PCLO: variants seen among roughly 807,000 people sequenced by gnomAD.
The protein encoded by PCLO is piccolo presynaptic cytomatrix protein, also known as protein piccolo.
PCLO carries 82 observed loss-of-function variants against 427.5 expected under a neutral mutation model. The ratio of observed to expected loss-of-function variants is 0.19; its 90% CI spans 0.16 to 0.23. The LOEUF (loss-of-function observed/expected upper bound fraction) is 0.23. Among genes scored for constraint, PCLO ranks in the 10% least tolerant of loss-of-function variants. The pLI, the probability that PCLO is intolerant of heterozygous loss-of-function variation, is 1.00. For synonymous variants in PCLO, 2,357 were observed against 2,155.4 expected (o/e 1.09, Z -2.59); for missense variants, 6,239 against 6,115.9 (o/e 1.02, Z -0.67).
intron 19 of PCLO, among the ~76,000 whole-genome samples, 154 bp downstream of exon 19, chr7:82,824,082 T>C (rs2115657613): frequency 6.6e-6 from 1 of 152,324 alleles, no homozygotes; most frequent in East Asian, 1.9e-4. Context: ...AGCCCATTTC[T>C]CCTGATTCCA....
intron 6 of PCLO, among the ~76,000 whole-genome samples, chr7:82,935,154 C>T (rs1465776567): frequency 8.2e-6 from 1 of 121,740 alleles, no homozygotes; most frequent in Non-Finnish European, 1.6e-5. Context: ...GTAGGTAAGA[C>T]CATACATAGA....
chr7:83,094,729 C>G (rs756971253), intron 3 of PCLO, among the ~76,000 whole-genome samples: 4 of 152,104 alleles, frequency 2.6e-5, no homozygotes, highest in Admixed American at 6.6e-5. Context: ...GAACAGACAT[C>G]TTCATTTTTC....
intron 3 of PCLO, among the ~76,000 whole-genome samples, chr7:83,075,495 G>C (rs1443469691): frequency 6.6e-6 from 1 of 152,130 alleles, no homozygotes; most frequent in Non-Finnish European, 1.5e-5. Context: ...CTGCAGTAAA[G>C]ATAGTAAACA....
intron 3 of PCLO, among the ~76,000 whole-genome samples, chr7:83,089,551 G>A (rs1288673975): frequency 1.3e-5 from 2 of 152,108 alleles, no homozygotes; most frequent in African/African-American, 4.8e-5. Context: ...ACTGCTGTAG[G>A]TAATGCTCCC....
intron 6 of PCLO, among the ~76,000 whole-genome samples, chr7:82,936,389 C>CA (rs1286585103): frequency 7.3e-5 from 11 of 151,656 alleles, no homozygotes; most frequent in Non-Finnish European, 1.2e-4. Context: ...ACATAAGAAA[C>CA]ATGAATGGCT....
chr7:82,854,989 G>T (rs1430954032), intron 10 of PCLO, among the ~76,000 whole-genome samples: 1 of 152,086 alleles, frequency 6.6e-6, no homozygotes, highest in African/African-American at 2.4e-5. Context: ...TGAATGGTCT[G>T]AGCTGACTGG....
chr7:82,877,259 G>C (rs959151934), intron 10 of PCLO, among the ~76,000 whole-genome samples: 7 of 152,016 alleles, frequency 4.6e-5, no homozygotes, highest in African/African-American at 1.7e-4. Flanking sequence ...CTGATTTGTA[G>C]TATTTGTTGA....
intron 3 of PCLO, among the ~76,000 whole-genome samples, chr7:83,088,339 G>A (rs996394034): frequency 6.6e-6 from 1 of 152,166 alleles, no homozygotes. Flanking sequence ...GGAACAAAGT[G>A]GACGCACTGT....
chr7:82,895,850 G>T (rs1430689647), intron 9 of PCLO, among the ~76,000 whole-genome samples: 1 of 151,834 alleles, frequency 6.6e-6, no homozygotes, highest in African/African-American at 2.4e-5. Flanking sequence ...GCTTAGGCCA[G>T]GTGATTTCAT....
Position 83,161,248 on chromosome 7 carries a change from T to A in PCLO, c.248+1097A>T, listed in dbSNP as rs1381282585. ...GACTAAGTTAATTTTTTTTTTATTT[T>A]ATAAAGTGGAGGATAAGGATCTACA... On this transcript the variant is annotated intron_variant, in intron 1 of 24. Transcript: ENST00000333891. 8.6e-5 allele frequency among the ~76,000 whole-genome samples: 13 copies of A among 151,446 alleles called. 1 individual carries two copies. The highest frequency in any genetic ancestry group is 7.9e-4 in the Admixed American group (12 of 15,200).
At chr7:82,885,882 A>G (rs1383744189) in intron 9 of PCLO, among the ~76,000 whole-genome samples, 1 of 152,094 alleles carries the variant, frequency 6.6e-6, no homozygotes, top group Non-Finnish European at 1.5e-5. Context: ...AAGGGAAAGC[A>G]AGAGTGAAGC....
chr7:82,940,676 T>C (rs1403474143), intron 6 of PCLO, among the ~76,000 whole-genome samples: 1 of 131,108 alleles, frequency 7.6e-6, no homozygotes, highest in Non-Finnish European at 1.6e-5. Context: ...TTTATAAAAT[T>C]AGAAGTACTC....
chr7:83,046,104 T>C (rs1789098111), intron 3 of PCLO, among the ~76,000 whole-genome samples: 1 of 152,058 alleles, frequency 6.6e-6, no homozygotes, highest in Admixed American at 6.6e-5. Flanking sequence ...TCTCCTCTTG[T>C]TGTAAGAACA....
rs528272475 is a variant in PCLO at position 82,783,496 on chromosome 7, C to T, written c.15007+18022G>A. Among the ~76,000 whole-genome samples the T allele has an allele frequency of 2.0e-5, 3 of 152,184 alleles. No individual in the cohort carries two copies. In the East Asian group the frequency reaches 5.8e-4, roughly 30 times the overall value. On this transcript the variant is annotated intron_variant, in intron 22 of 24. Transcript: ENST00000333891. ...AATTAGCCGGGCATGGTGGCGGGCT[C>T]CTGTAGTGCCAGCTACTCAGGAGGC...
In PCLO at chr7:83,155,622, T is replaced by C. The variant is rs1792270313; in HGVS notation, c.1019A>G (p.Lys340Arg). 1 of 1,613,502 alleles carries C rather than the reference T, an allele frequency of 6.2e-7. No homozygotes were observed. ...KPPAQPSGLT[K>R]PLAQQPGTVK... Reference sequence around the variant, plus strand: ...TGTCCCTGGTTGTTGAGCCAATGGCTTTGTTAGCCCTGAGGGCTGAGCTGG... The same window carrying C: ...TGTCCCTGGTTGTTGAGCCAATGGCCTTGTTAGCCCTGAGGGCTGAGCTGG... Residue 340 changes from lysine (K) to arginine (R), a missense_variant, in exon 2 of 25, where the codon AAG (lysine) becomes AGG (arginine). Around this residue, in one of 5 missense-constraint regions of PCLO, gnomAD observed 4,677 missense variants for 4,468.4 expected, o/e 1.05. Coordinates refer to ENST00000333891, the MANE Select transcript of PCLO (RefSeq NM_033026.6).
chr7:82,912,708 C>CTA (rs1419705354), intron 7 of PCLO, among the ~76,000 whole-genome samples: 10 of 151,974 alleles, frequency 6.6e-5, no homozygotes, highest in Non-Finnish European at 1.5e-4. Context: ...TGATTATGAC[C>CTA]TATACATCAT....
At chr7:83,075,570 C>T (rs1178017813) in intron 3 of PCLO, among the ~76,000 whole-genome samples, 1 of 152,098 alleles carries the variant, frequency 6.6e-6, no homozygotes, top group Non-Finnish European at 1.5e-5. Context: ...TTAAATGACA[C>T]TAAGGACTGA....
intron 3 of PCLO, among the ~76,000 whole-genome samples, chr7:83,044,813 C>T (rs1030631908): frequency 6.6e-6 from 1 of 152,046 alleles, no homozygotes; most frequent in Non-Finnish European, 1.5e-5. Flanking sequence ...ATAATCTTCC[C>T]AGTATTATCT....
chr7:82,839,724 A>C (rs1398274861), intron 14 of PCLO, among the ~76,000 whole-genome samples: 1 of 151,950 alleles, frequency 6.6e-6, no homozygotes, highest in African/African-American at 2.4e-5. Flanking sequence ...ACCCGAAGAG[A>C]GTGCTTTTCA....
Sources: gnomAD v4.1 joint callset for allele counts (sites outside exome capture counted in the v4.1 genomes callset) on GRCh38, gnomAD v4.1.1 for gene constraint, gnomAD v4.1.1 regional missense constraint, MANE v1.5 for transcripts, NCBI Gene and HGNC (gene_info 2026-07-23, HGNC 2026-07-21) for gene names.